HPSE: variants seen among roughly 807,000 people sequenced by gnomAD.
HPSE encodes the protein heparanase.
In HPSE, 48 loss-of-function variants were observed where a neutral mutation model predicts 65.1. The observed-to-expected ratio is 0.74, with a 90% CI of 0.58 to 0.94. The LOEUF is 0.94. HPSE is among the 40% of genes least tolerant of loss of function. The pLI is 0.00. For missense variants in HPSE, 644 were observed against 637.5 expected, an observed-to-expected ratio of 1.01 and a Z score of -0.11; for synonymous variants, 243 against 260.0, an observed-to-expected ratio of 0.93 and a Z score of 0.63.
Position 83,319,383 on chromosome 4 carries a change from C to G in HPSE, c.460G>C (p.Glu154Gln), listed in dbSNP as rs1182313761. The change falls in exon 3 of 12, where the codon GAA (glutamate) becomes CAA (glutamine). Residue 154 changes from glutamate (E) to glutamine (Q), a missense_variant. By Grantham distance (29) the Glu-to-Gln change is conservative (BLOSUM62 2). Coordinates refer to ENST00000311412, the MANE Select transcript of HPSE (RefSeq NM_001098540.3). ...WPYQEQLLLR[E>Q]HYQKKFKNST... ...TTCTTGAACTTTTTCTGGTAGTGTT[C>G]TCGGAGTAGCAATTGCTCCTGGTAG... 10 of 1,613,808 alleles carry G rather than the reference C, an allele frequency of 6.2e-6. No individual in the cohort carries two copies. The South Asian group carries it at 8.8e-5, about 14-fold the overall frequency.
At chr4:83,303,276 A>G (rs945353674) in intron 9 of HPSE, among the ~76,000 whole-genome samples, 1 of 152,340 alleles carries the variant, frequency 6.6e-6, no homozygotes, top group South Asian at 2.1e-4. Context: ...ATAATGTAGG[A>G]AATACTATAG....
intron 1 of HPSE, among the ~76,000 whole-genome samples, chr4:83,332,695 G>A (rs1283083334): frequency 6.6e-6 from 1 of 152,182 alleles, no homozygotes; most frequent in Non-Finnish European, 1.5e-5. Flanking sequence ...CGTGTTAGGG[G>A]GGTGTTAGTC....
At chr4:83,303,496 G>A (rs1422931947) in intron 9 of HPSE, among the ~76,000 whole-genome samples, 2 of 152,116 alleles carry the variant, frequency 1.3e-5, no homozygotes, top group Non-Finnish European at 2.9e-5. Flanking sequence ...AGGAATTATT[G>A]TTATTATTTA....
intron 8 of HPSE, among the ~76,000 whole-genome samples, chr4:83,307,801 G>A (rs1239206876): frequency 6.6e-6 from 1 of 151,962 alleles, no homozygotes; most frequent in Non-Finnish European, 1.5e-5. Flanking sequence ...GAATGAGGAT[G>A]AGAGAAAAAA....
chr4:83,297,680 T>C (rs185290821), intron 11 of HPSE, among the ~76,000 whole-genome samples: 7 of 152,316 alleles, frequency 4.6e-5, no homozygotes, highest in Non-Finnish European at 8.8e-5. Context: ...GACATATCAA[T>C]AGCACGCCCA....
At chr4:83,314,863 T>A (rs1201864734) in intron 3 of HPSE, among the ~76,000 whole-genome samples, 2 of 152,154 alleles carry the variant, frequency 1.3e-5, no homozygotes, top group Non-Finnish European at 2.9e-5. Context: ...ATATTAAATA[T>A]TAGCTATTTA....
chr4:83,295,866 A>G (rs1191910068), intron 11 of HPSE, among the ~76,000 whole-genome samples: 1 of 152,240 alleles, frequency 6.6e-6, no homozygotes, highest in Admixed American at 6.5e-5. Context: ...TTAATGGCCA[A>G]TAATTGAAAC....
chr4:83,334,618 C>G lies in HPSE; in HGVS notation c.165G>C (p.Ser55=), dbSNP rs923025337. ...TGGCGTCAATGGTGACGGACAGGAA[C>G]GAGGGGCTCACCAGGTGCAGCGGCT... The part of the protein sequence containing the change: ...TQEPLHLVSP[S]FLSVTIDANL... Residue 55 remains serine, a synonymous_variant, in exon 1 of 12, where the codon TCG becomes TCC. Coordinates refer to ENST00000311412, the MANE Select transcript of HPSE (RefSeq NM_001098540.3). The G allele has an allele frequency of 1.3e-6, 2 of 1,592,358 alleles. No homozygotes were observed. Among genetic ancestry groups the G allele is most frequent in the African/African-American group, 1.3e-5 (1 of 74,612 alleles).
intron 4 of HPSE, among the ~76,000 whole-genome samples, chr4:83,312,097 G>A (rs1736402348): frequency 6.6e-6 from 1 of 152,128 alleles, no homozygotes; most frequent in African/African-American, 2.4e-5. Flanking sequence ...TTGAGAAAAT[G>A]AGAAAGGAAG....
At position 83,295,242 on chromosome 4, in the gene HPSE, A is replaced by G. The variant is rs1268896415; in HGVS notation, c.*102T>C. ...GTGTCCCAGTGTCTCTCAAGCACCC[A>G]CTAGTTGCTTTGCAAGGTATCTGCT... On this transcript the variant is annotated 3_prime_UTR_variant, in exon 12 of 12. Transcript: ENST00000311412. 17 of 956,782 alleles carry G rather than the reference A, an allele frequency of 1.8e-5. No homozygotes were observed. The allele number at this position is 956,782 out of a possible 1,614,324, so 59.3% of individuals were successfully genotyped here.
rs538106841 is a variant in HPSE at position 83,334,643 on chromosome 4, T to A, written c.140A>T (p.Glu47Val). ...CGAGGGGCTCACCAGGTGCAGCGGC[T>A]CCTGGGTGAAGAAGTCCAGGTCCAC... ...DVVDLDFFTQ[E>V]PLHLVSPSFL... The change falls in exon 1 of 12, where the codon GAG becomes GTG. Residue 47 changes from glutamate to valine, a missense_variant. By Grantham distance (121) the Glu-to-Val change is moderately radical. Transcript: ENST00000311412. 5 of 1,585,782 alleles carry A rather than the reference T, an allele frequency of 3.2e-6. No individual in the cohort carries two copies. In the Admixed American group the frequency reaches 7.2e-5, roughly 23 times the overall value.
chr4:83,309,113 TC>T (rs1296938154), intron 7 of HPSE, among the ~76,000 whole-genome samples, 162 bp from the exon 8 acceptor site: 2 of 152,248 alleles, frequency 1.3e-5, no homozygotes, highest in African/African-American at 4.8e-5. Context: ...TGGGAAACTT[TC>T]TTTTATTGAA....
intron 4 of HPSE, among the ~76,000 whole-genome samples, chr4:83,312,730 G>A (rs1736448595): frequency 7.0e-6 from 1 of 141,948 alleles, no homozygotes; most frequent in African/African-American, 2.6e-5. Context: ...GGGCCTGGTG[G>A]CTCACGCCTG....
intron 5 of HPSE, 92 bp downstream of exon 5, chr4:83,310,630 C>T: frequency 8.4e-7 from 1 of 1,194,918 alleles, no homozygotes; most frequent in South Asian, 1.5e-5. Context: ...CATGATTGTA[C>T]CACTGCACTC....
At position 83,295,379 on chromosome 4, in the gene HPSE, CA is replaced by C; in HGVS notation, c.1596del (p.Phe532LeufsTer2). The part of the protein sequence containing the change: ...LGLPAFSYSF[F>X]VIRNAKVAAC... ...GCAGCAACTTTGGCATTTCTTATCA[CA>C]AAAAAACTATATGAGAAAGCTGGCA... On this transcript the variant is annotated frameshift_variant, in exon 12 of 12. Coordinates refer to ENST00000311412, the MANE Select transcript of HPSE (RefSeq NM_001098540.3). LOFTEE classifies it high-confidence loss of function. The C allele has an allele frequency of 3.1e-6, 5 of 1,610,284 alleles. No homozygotes were observed. Among genetic ancestry groups the C allele is most frequent in the South Asian group, 2.2e-5 (2 of 90,508 alleles).
chr4:83,304,348 A>G (rs927573185), intron 9 of HPSE, among the ~76,000 whole-genome samples: 1 of 152,170 alleles, frequency 6.6e-6, no homozygotes, highest in Non-Finnish European at 1.5e-5. Context: ...TTTTAGGCAA[A>G]TGGAGAAGGA....
Position 83,324,113 on chromosome 4 carries a change from C to CTTCT in HPSE, c.228-1750_228-1749insAGAA, listed in dbSNP as rs1553920837. On this transcript the variant is annotated intron_variant, in intron 1 of 11. Transcript: ENST00000311412. ...CTGATTGCCAATACTTCTTCTTCTT[C>CTTCT]TTTTTTTTTTTTTTTTTTTTTTTTT... 1.3e-4 allele frequency among the ~76,000 whole-genome samples: 10 copies of CTTCT among 74,754 alleles called. No individual in the cohort carries two copies. In the East Asian group the frequency reaches 4.0e-3, roughly 30 times the overall value. The allele number at this position is 74,754 out of a possible 152,430, so 49.0% of individuals were successfully genotyped here.
intron 11 of HPSE, 99 bp from the exon 12 acceptor site, chr4:83,295,602 T>G (rs1046191144): frequency 5.4e-6 from 5 of 927,482 alleles, no homozygotes; most frequent in Non-Finnish European, 6.3e-6. Flanking sequence ...AATAAATTTT[T>G]TTTTGTGGCA....
chr4:83,305,329 T>G (rs1025543677), intron 9 of HPSE, among the ~76,000 whole-genome samples: 1 of 152,210 alleles, frequency 6.6e-6, no homozygotes, highest in Non-Finnish European at 1.5e-5. Context: ...AATTCCATTT[T>G]TGCAAGATCA....
Sources: allele counts gnomAD v4.1 joint callset (sites outside exome capture counted in the v4.1 genomes callset), GRCh38; gene constraint gnomAD v4.1.1; transcripts MANE v1.5; gene names NCBI Gene and HGNC (gene_info 2026-07-23, HGNC 2026-07-21).